Variants in ANKRD12 observed in about 807,000 individuals in gnomAD.
ANKRD12 encodes ankyrin repeat domain 12, also known as ankyrin repeat domain-containing protein 12.
A neutral mutation model predicts 183.4 loss-of-function variants in ANKRD12; 85 were observed. That is an observed-to-expected ratio of 0.46 (90% CI 0.39 to 0.56). The LOEUF (loss-of-function observed/expected upper bound fraction) is 0.56. ANKRD12 is among the 20% of genes least tolerant of loss of function. The pLI, the probability that ANKRD12 is intolerant of heterozygous loss-of-function variation, is 0.00. For synonymous variants in ANKRD12, 914 were observed against 800.2 expected, an observed-to-expected ratio of 1.14 and a Z score of -2.40; for missense variants, 2,405 against 2,357.1, an observed-to-expected ratio of 1.02 and a Z score of -0.42.
chr18:9,247,606 G>A (rs1018759842), intron 8 of ANKRD12, among the ~76,000 whole-genome samples: 1 of 152,008 alleles, frequency 6.6e-6, no homozygotes, highest in African/African-American at 2.4e-5. Flanking sequence ...CGTAAAATAT[G>A]TGTTTTAAAA....
At chr18:9,204,387 G>A in intron 3 of ANKRD12, 89 bp from the exon 4 acceptor site, 1 of 866,836 alleles carries the variant, frequency 1.2e-6, no homozygotes, top group Non-Finnish European at 1.9e-6. Flanking sequence ...CTTATTAACT[G>A]GTGGTCTTTT....
At chr18:9,269,060 C>A (rs1323204273) in intron 10 of ANKRD12, among the ~76,000 whole-genome samples, 6 of 152,116 alleles carry the variant, frequency 3.9e-5, no homozygotes, top group African/African-American at 7.2e-5. Flanking sequence ...ATCCAACTTA[C>A]AAGGGATGTG....
At chr18:9,150,964 T>A (rs200735883) in intron 1 of ANKRD12, among the ~76,000 whole-genome samples, 2 of 150,850 alleles carry the variant, frequency 1.3e-5, no homozygotes, top group Non-Finnish European at 3.0e-5. Context: ...ATTTTGTGAT[T>A]AAAAAAAAAA....
At chr18:9,162,889 G>T (rs913756008) in intron 1 of ANKRD12, among the ~76,000 whole-genome samples, 1 of 151,990 alleles carries the variant, frequency 6.6e-6, no homozygotes, top group East Asian at 1.9e-4. Context: ...TTTTAATGGG[G>T]TTGGTTGTTT....
At chr18:9,190,294 C>A (rs1205361390) in intron 2 of ANKRD12, among the ~76,000 whole-genome samples, 1 of 152,116 alleles carries the variant, frequency 6.6e-6, no homozygotes. Context: ...TTTAAAACAA[C>A]CTTATAAGCA....
intron 2 of ANKRD12, among the ~76,000 whole-genome samples, chr18:9,189,834 C>T (rs1322781091): frequency 3.9e-5 from 6 of 152,300 alleles, no homozygotes; most frequent in Admixed American, 6.5e-5. Flanking sequence ...TGAGCTGTCA[C>T]CCAAGAGCTC....
chr18:9,184,572 T>C (rs1006127411), intron 2 of ANKRD12, among the ~76,000 whole-genome samples: 4 of 152,148 alleles, frequency 2.6e-5, no homozygotes, highest in African/African-American at 9.7e-5. Context: ...GGTTTCATCA[T>C]GTCGCCCAGT....
rs2038519547 is a variant in ANKRD12 at position 9,255,043 on chromosome 18, A to G, written c.1776A>G (p.Pro592=). ...ATAATACAGAATCTGAATTCTTGCCAGAAAGTTCAAGTGTAAAATCTTGTA... is the reference window on the plus strand; with the variant it reads ...ATAATACAGAATCTGAATTCTTGCCGGAAAGTTCAAGTGTAAAATCTTGTA... ...RYDNTESEFL[P]ESSSVKSCKH... is the part of the protein sequence containing the mutation. The change falls in exon 9 of 13, where the codon CCA becomes CCG. Residue 592 remains proline (P), a synonymous_variant. Transcript: ENST00000262126. 1 of 1,593,942 alleles carries G rather than the reference A, an allele frequency of 6.3e-7. No individual in the cohort carries two copies. Among genetic ancestry groups the G allele is most frequent in the Non-Finnish European group, 8.5e-7 (1 of 1,172,884 alleles).
At chr18:9,206,563 T>C (rs1166731174) in intron 4 of ANKRD12, among the ~76,000 whole-genome samples, 1 of 152,102 alleles carries the variant, frequency 6.6e-6, no homozygotes, top group Non-Finnish European at 1.5e-5. Flanking sequence ...TTACACCGGC[T>C]GCTGTTTTCT....
At chr18:9,164,983 T>A (rs1350875735) in intron 1 of ANKRD12, among the ~76,000 whole-genome samples, 1 of 152,182 alleles carries the variant, frequency 6.6e-6, no homozygotes, top group Non-Finnish European at 1.5e-5. Flanking sequence ...ATTTGTCTAA[T>A]ATTGTCAGTG....
chr18:9,185,958 AAGTATAGT>A (rs1194262828), intron 2 of ANKRD12, among the ~76,000 whole-genome samples: 1 of 152,228 alleles, frequency 6.6e-6, no homozygotes, highest in Non-Finnish European at 1.5e-5. Flanking sequence ...CTGCATGTTT[AAGTATAGT>A]GAAGATTATA....
At chr18:9,186,621 A>G (rs975240250) in intron 2 of ANKRD12, among the ~76,000 whole-genome samples, 1 of 152,158 alleles carries the variant, frequency 6.6e-6, no homozygotes, top group Non-Finnish European at 1.5e-5. Flanking sequence ...TGTAGTTTTT[A>G]TTCCAAAGAT....
At chr18:9,249,368 T>C (rs2038151428) in intron 8 of ANKRD12, among the ~76,000 whole-genome samples, 1 of 152,164 alleles carries the variant, frequency 6.6e-6, no homozygotes, top group South Asian at 2.1e-4. Flanking sequence ...CTTTGATAAG[T>C]TTACAGAAAG....
rs574648860 is a variant in ANKRD12 at position 9,254,391 on chromosome 18, T to C, written c.1124T>C (p.Ile375Thr). ...GATGATGAAGAAATTAATAAGATGATTGATGATAGGCATATTCTTAGGAAA... is the reference window on the plus strand; with the variant it reads ...GATGATGAAGAAATTAATAAGATGACTGATGATAGGCATATTCTTAGGAAA... ...DDDDEEINKM[I>T]DDRHILRKEQ... Residue 375 changes from isoleucine (I) to threonine (T), a missense_variant, in exon 9 of 13, where the codon ATT becomes ACT. Transcript: ENST00000262126. 2 of 1,607,510 alleles carry C rather than the reference T, an allele frequency of 1.2e-6. No individual in the cohort carries two copies. Among genetic ancestry groups the C allele is most frequent in the African/African-American group, 1.3e-5 (1 of 74,714 alleles).
intron 2 of ANKRD12, among the ~76,000 whole-genome samples, chr18:9,187,401 G>A (rs1024372846): frequency 1.3e-5 from 2 of 152,138 alleles, no homozygotes; most frequent in African/African-American, 4.8e-5. Context: ...GGACCCTGCT[G>A]TCTCTATTCA....
chr18:9,235,450 G>GA (rs1267447022), intron 8 of ANKRD12, among the ~76,000 whole-genome samples: 3 of 151,900 alleles, frequency 2.0e-5, no homozygotes, highest in Admixed American at 1.3e-4. Flanking sequence ...CAGCTAAAAA[G>GA]AAAAAAAGTT....
At chr18:9,161,969 C>T (rs1193134942) in intron 1 of ANKRD12, among the ~76,000 whole-genome samples, 1 of 151,948 alleles carries the variant, frequency 6.6e-6, no homozygotes, top group Non-Finnish European at 1.5e-5. Flanking sequence ...TGCAAGCCAT[C>T]CTCCTGCTCT....
intron 10 of ANKRD12, among the ~76,000 whole-genome samples, chr18:9,268,806 C>G (rs2039441436): frequency 6.6e-6 from 1 of 152,052 alleles, no homozygotes; most frequent in African/African-American, 2.4e-5. Flanking sequence ...AAAGGGTATT[C>G]AATTAGGAAA....
At chr18:9,215,050 A>G (rs2036018329) in intron 6 of ANKRD12, among the ~76,000 whole-genome samples, 1 of 152,178 alleles carries the variant, frequency 6.6e-6, no homozygotes, top group African/African-American at 2.4e-5. Flanking sequence ...TCAAGATAAC[A>G]GGAGAAGTGG....
Sources: gnomAD v4.1 joint callset for allele counts (sites outside exome capture counted in the v4.1 genomes callset) on GRCh38, gnomAD v4.1.1 for gene constraint, MANE v1.5 for transcripts, NCBI Gene and HGNC (gene_info 2026-07-23, HGNC 2026-07-21) for gene names.